The following SYNDIG1 variants were observed in gnomAD, a reference collection of about 807,000 sequenced individuals.
SYNDIG1 encodes the protein synapse differentiation-inducing gene protein 1.
SYNDIG1 carries 9 observed loss-of-function variants against 19.4 expected under a neutral mutation model. The ratio of observed to expected loss-of-function variants is 0.46; its 90% CI spans 0.28 to 0.81. The LOEUF (loss-of-function observed/expected upper bound fraction) is 0.81. Among genes scored for constraint, SYNDIG1 ranks in the 30% least tolerant of loss-of-function variants. The pLI is 0.12. For missense variants in SYNDIG1, 311 were observed against 343.3 expected, an observed-to-expected ratio of 0.91 and a Z score of 0.74; for synonymous variants, 141 against 145.9, an observed-to-expected ratio of 0.97 and a Z score of 0.24.
chr20:24,560,940 ATG>A (rs2146877745), intron 2 of SYNDIG1, among the ~76,000 whole-genome samples: 1 of 150,768 alleles, frequency 6.6e-6, no homozygotes, highest in Non-Finnish European at 1.5e-5. Flanking sequence ...TCTGGACTAA[ATG>A]TGCAGAATCT....
intron 3 of SYNDIG1, 125 bp downstream of exon 3, chr20:24,585,118 C>T: frequency 7.7e-7 from 1 of 1,296,504 alleles, no homozygotes; most frequent in Non-Finnish European, 1.1e-6. Flanking sequence ...GCTGGGTCGG[C>T]ACTTGCCCAG....
Position 24,524,639 on chromosome 20 carries a change from C to T in SYNDIG1, c.-78-18381C>T, listed in dbSNP as rs796101875. ...CCAGCCTGGGCGACAGAGCGAGACT[C>T]TGTCTCAAAAAAAAAAAAAAAATTT... On this transcript the variant is annotated intron_variant, in intron 1 of 3. Coordinates refer to ENST00000376862, the MANE Select transcript of SYNDIG1 (RefSeq NM_024893.3). 1.3e-3 allele frequency among the ~76,000 whole-genome samples: 189 copies of T among 149,414 alleles called. 3 individuals are homozygous for T. The highest frequency in any genetic ancestry group is 4.4e-3 in the African/African-American group (176 of 40,192).
At chr20:24,607,134 T>G (rs1229398165) in intron 3 of SYNDIG1, among the ~76,000 whole-genome samples, 1 of 152,110 alleles carries the variant, frequency 6.6e-6, no homozygotes, top group African/African-American at 2.4e-5. Flanking sequence ...CTGAGGCAGT[T>G]GGATCACCTG....
chr20:24,578,786 C>T (rs142442400), intron 2 of SYNDIG1, among the ~76,000 whole-genome samples: 5 of 152,332 alleles, frequency 3.3e-5, no homozygotes, highest in African/African-American at 1.2e-4. Context: ...TAAAGAGGGT[C>T]AGATCCCACG....
At chr20:24,549,866 G>T (rs1193886598) in intron 2 of SYNDIG1, among the ~76,000 whole-genome samples, 1 of 152,108 alleles carries the variant, frequency 6.6e-6, no homozygotes, top group Non-Finnish European at 1.5e-5. Flanking sequence ...CCCTGGACTT[G>T]GGCCACCCAG....
At chr20:24,583,885 G>C (rs1246880843) in intron 2 of SYNDIG1, among the ~76,000 whole-genome samples, 1 of 152,196 alleles carries the variant, frequency 6.6e-6, no homozygotes, top group Non-Finnish European at 1.5e-5. Context: ...CCAGAGGTTG[G>C]AGGGTGGAAG....
At chr20:24,487,321 C>G (rs567174300) in intron 1 of SYNDIG1, among the ~76,000 whole-genome samples, 3 of 152,242 alleles carry the variant, frequency 2.0e-5, no homozygotes, top group Non-Finnish European at 4.4e-5. Context: ...GGTAGAAAAT[C>G]AGTGCTGTAG....
chr20:24,489,378 TGTG>T (rs2056076582), intron 1 of SYNDIG1, among the ~76,000 whole-genome samples: 1 of 147,714 alleles, frequency 6.8e-6, no homozygotes, highest in African/African-American at 2.6e-5. Flanking sequence ...CACACAGACA[TGTG>T]GACACAGATA....
At chr20:24,641,487 G>A (rs1450013495) in intron 3 of SYNDIG1, among the ~76,000 whole-genome samples, 1 of 152,204 alleles carries the variant, frequency 6.6e-6, no homozygotes, top group Non-Finnish European at 1.5e-5. Context: ...TGGAAGAAAT[G>A]AGATGAGGCA....
At chr20:24,520,904 C>T (rs1224931819) in intron 1 of SYNDIG1, among the ~76,000 whole-genome samples, 2 of 152,128 alleles carry the variant, frequency 1.3e-5, no homozygotes, top group Non-Finnish European at 2.9e-5. Flanking sequence ...TGCTGTGCAG[C>T]CATCACCACC....
At position 24,543,459 on chromosome 20, in the gene SYNDIG1, C is replaced by T. The variant is rs1456459486; in HGVS notation, c.362C>T (p.Pro121Leu). The change falls in exon 2 of 4, where the codon CCC becomes CTC. Residue 121 changes from proline (P) to leucine (L), a missense_variant. Pro to Leu is a moderately conservative substitution (Grantham distance 98). Transcript: ENST00000376862. ...CETTFIEDRS[P>L]TKDSLEYPDG... ...ACCACCTTCATCGAGGACCGGTCGC[C>T]CACCAAAGACAGCCTCGAGTACCCG... is the stretch of plus-strand genomic sequence containing the variant. The T allele has an allele frequency of 6.2e-7, 1 of 1,613,536 alleles. No homozygotes were observed. The highest frequency in any genetic ancestry group is 2.2e-5 in the East Asian group (1 of 44,868).
intron 1 of SYNDIG1, among the ~76,000 whole-genome samples, chr20:24,531,603 C>G (rs2057261112): frequency 6.7e-6 from 1 of 149,544 alleles, no homozygotes; most frequent in East Asian, 2.0e-4. Context: ...CAGAGCAAAA[C>G]CATCTATTAA....
At chr20:24,637,431 C>G (rs2059327061) in intron 3 of SYNDIG1, among the ~76,000 whole-genome samples, 1 of 152,164 alleles carries the variant, frequency 6.6e-6, no homozygotes, top group Admixed American at 6.5e-5. Context: ...AGAATAGGCC[C>G]ATAAAGACAA....
chr20:24,472,270 A>G (rs1275410525), intron 1 of SYNDIG1, among the ~76,000 whole-genome samples: 2 of 152,354 alleles, frequency 1.3e-5, no homozygotes, highest in African/African-American at 4.8e-5. Flanking sequence ...TATGTTAGCA[A>G]TAGGAACAGA....
At chr20:24,580,454 C>T (rs756273125) in intron 2 of SYNDIG1, among the ~76,000 whole-genome samples, 3 of 152,182 alleles carry the variant, frequency 2.0e-5, no homozygotes, top group Non-Finnish European at 4.4e-5. Flanking sequence ...TCTGTTGCCC[C>T]GGCTGGAGTG....
At chr20:24,508,702 C>G (rs1033090165) in intron 1 of SYNDIG1, among the ~76,000 whole-genome samples, 1 of 152,102 alleles carries the variant, frequency 6.6e-6, no homozygotes, top group Admixed American at 6.5e-5. Context: ...ACCAAATGAG[C>G]AGGCAAAAGT....
At chr20:24,560,330 T>G (rs890288452) in intron 2 of SYNDIG1, among the ~76,000 whole-genome samples, 2 of 152,132 alleles carry the variant, frequency 1.3e-5, no homozygotes, top group African/African-American at 4.8e-5. Flanking sequence ...TACATTGTTA[T>G]GCTCAATATT....
intron 3 of SYNDIG1, among the ~76,000 whole-genome samples, chr20:24,622,910 G>A (rs1272408141): frequency 6.6e-6 from 1 of 152,096 alleles, no homozygotes; most frequent in Non-Finnish European, 1.5e-5. Flanking sequence ...ACAACCAAAA[G>A]TAACTGAGAT....
At chr20:24,568,077 G>A (rs903696243) in intron 2 of SYNDIG1, among the ~76,000 whole-genome samples, 5 of 152,188 alleles carry the variant, frequency 3.3e-5, no homozygotes, top group African/African-American at 1.2e-4. Context: ...GGAGGCAGAG[G>A]TTGCAGTGAG....
Sources: allele counts gnomAD v4.1 joint callset (sites outside exome capture counted in the v4.1 genomes callset), GRCh38; gene constraint gnomAD v4.1.1; transcripts MANE v1.5; gene names NCBI Gene and HGNC (gene_info 2026-07-23, HGNC 2026-07-21).